Variants in RUNX2 observed in about 807,000 individuals in gnomAD.
The protein encoded by RUNX2 is RUNX family transcription factor 2.
Under a neutral mutation model 51.7 loss-of-function variants are expected in RUNX2, and 10 were observed. That is an observed-to-expected ratio of 0.19 (90% CI 0.12 to 0.33). RUNX2 has a LOEUF of 0.33. Ranked by LOEUF, RUNX2 falls within the 10% of genes least tolerant of loss-of-function variation. RUNX2 has a pLI of 1.00. For missense variants in RUNX2, 562 were observed against 691.3 expected (o/e 0.81, Z 2.10); for synonymous variants, 276 against 273.6 (o/e 1.01, Z -0.09).
chr6:45,383,729 T>C (rs980963279), intron 2 of RUNX2, among the ~76,000 whole-genome samples: 16 of 152,236 alleles, frequency 1.1e-4, no homozygotes, highest in African/African-American at 3.4e-4. Flanking sequence ...TGAAACTGAA[T>C]CTATTTCAGT....
intron 5 of RUNX2, among the ~76,000 whole-genome samples, chr6:45,470,130 G>T (rs963782767): frequency 6.6e-6 from 1 of 152,028 alleles, no homozygotes; most frequent in Non-Finnish European, 1.5e-5. Flanking sequence ...ATAATTAGTC[G>T]AACCATAGGT....
intron 5 of RUNX2, among the ~76,000 whole-genome samples, chr6:45,461,084 G>A (rs938525619): frequency 5.3e-5 from 8 of 152,218 alleles, no homozygotes; most frequent in Non-Finnish European, 1.0e-4. Context: ...ACCAGGGAAT[G>A]TGAAGAAGTA....
chr6:45,527,552 T>C (rs988685383), intron 7 of RUNX2, among the ~76,000 whole-genome samples: 3 of 152,146 alleles, frequency 2.0e-5, no homozygotes, highest in African/African-American at 7.2e-5. Context: ...TTTCTCCCAA[T>C]TGTTAGTTTA....
chr6:45,349,979 G>C (rs1447229242), intron 2 of RUNX2, among the ~76,000 whole-genome samples: 1 of 152,074 alleles, frequency 6.6e-6, no homozygotes, highest in Non-Finnish European at 1.5e-5. Context: ...GGTTTTATTA[G>C]TCACAGGAAA....
intron 2 of RUNX2, among the ~76,000 whole-genome samples, chr6:45,406,740 A>C (rs1455290869): frequency 6.6e-6 from 1 of 152,224 alleles, no homozygotes; most frequent in East Asian, 1.9e-4. Context: ...TAAGAATTTG[A>C]CCAATTTTTA....
Position 45,549,502 on chromosome 6 carries a change from C to G in RUNX2, c.*2197C>G, listed in dbSNP as rs1342553432. On this transcript the variant is annotated 3_prime_UTR_variant, in exon 9 of 9. Transcript: ENST00000647337. ...ATGCTTAGATAAATAAGCCACTTTTCTATTACTTAAGTAAGAAGGAAGTAG... is the reference window on the plus strand; with the variant it reads ...ATGCTTAGATAAATAAGCCACTTTTGTATTACTTAAGTAAGAAGGAAGTAG... The G allele has an allele frequency of 2.5e-6, 1 of 397,454 alleles. No individual in the cohort carries two copies. The highest frequency in any genetic ancestry group is 4.4e-6 in the Non-Finnish European group (1 of 225,920). 24.6% of individuals were successfully genotyped at this position (397,454 alleles called of 1,614,324 possible). A position where few individuals can be genotyped will look rare whatever the true frequency, so the allele number is the denominator to read the frequency against.
chr6:45,549,028 A>G lies in RUNX2; in HGVS notation c.*1723A>G, dbSNP rs1431685908. The G allele has an allele frequency of 2.5e-6, 1 of 397,934 alleles. No homozygotes were observed. The highest frequency in any genetic ancestry group is 4.4e-6 in the Non-Finnish European group (1 of 226,052). The allele number at this position is 397,934 out of a possible 1,614,324, so 24.7% of individuals were successfully genotyped here. Reference sequence around the variant, plus strand: ...TTTGTATTTCTTACAATGGAGGGCCAAGGAGGGCAAGGGGCTGTGGAGTTT... The same window carrying G: ...TTTGTATTTCTTACAATGGAGGGCCGAGGAGGGCAAGGGGCTGTGGAGTTT... On this transcript the variant is annotated 3_prime_UTR_variant, in exon 9 of 9. Transcript: ENST00000647337.
At chr6:45,536,101 A>G (rs575690454) in intron 7 of RUNX2, among the ~76,000 whole-genome samples, 4 of 151,852 alleles carry the variant, frequency 2.6e-5, no homozygotes, top group Non-Finnish European at 5.9e-5. Flanking sequence ...ATAAAGATTG[A>G]GGAAGCCAGA....
chr6:45,423,039 C>T, intron 3 of RUNX2, 82 bp downstream of exon 3: 1 of 1,536,248 alleles, frequency 6.5e-7, no homozygotes, highest in Non-Finnish European at 8.8e-7. Flanking sequence ...CGGGGCTGGG[C>T]CCCGGACGTC....
Position 45,458,331 on chromosome 6 carries a change from G to A in RUNX2, c.685+20280G>A, listed in dbSNP as rs187971068. 3.9e-4 allele frequency among the ~76,000 whole-genome samples: 60 copies of A among 152,118 alleles called. 1 individual carries two copies. The East Asian group carries it at 0.011, about 29-fold the overall frequency. ...CATGAGCCACCGTGCCCGGCTTGGGGTAGGAAATTAAAAACAAAAACAGTG... is the reference window on the plus strand; with the variant it reads ...CATGAGCCACCGTGCCCGGCTTGGGATAGGAAATTAAAAACAAAAACAGTG... On this transcript the variant is annotated intron_variant, in intron 5 of 8. Transcript: ENST00000647337.
At chr6:45,349,478 C>A in intron 2 of RUNX2, among the ~76,000 whole-genome samples, 1 of 152,170 alleles carries the variant, frequency 6.6e-6, no homozygotes, top group East Asian at 1.9e-4. Context: ...ACATCAACAT[C>A]ACCTGGGAAT....
chr6:45,332,359 TAAAAAA>T, intron 2 of RUNX2, among the ~76,000 whole-genome samples: 1 of 151,574 alleles, frequency 6.6e-6, no homozygotes, highest in South Asian at 2.1e-4. Flanking sequence ...TATATATATT[TAAAAAA>T]AAGGAAAAGG....
chr6:45,465,622 T>A (rs1582140361), intron 5 of RUNX2, among the ~76,000 whole-genome samples: 1 of 151,848 alleles, frequency 6.6e-6, no homozygotes, highest in South Asian at 2.1e-4. Context: ...AATTTTTCTG[T>A]TTTTATTTTT....
chr6:45,348,900 T>C (rs1274050533), intron 2 of RUNX2, among the ~76,000 whole-genome samples: 1 of 152,152 alleles, frequency 6.6e-6, no homozygotes, highest in African/African-American at 2.4e-5. Context: ...TCTCATAGTA[T>C]CCTGTACATT....
At chr6:45,414,250 G>A (rs917677213) in intron 2 of RUNX2, among the ~76,000 whole-genome samples, 1 of 152,076 alleles carries the variant, frequency 6.6e-6, no homozygotes, top group Non-Finnish European at 1.5e-5. Context: ...TTGTAAATGT[G>A]CACAAAAGTG....
At chr6:45,479,766 G>T (rs538368829) in intron 5 of RUNX2, among the ~76,000 whole-genome samples, 5 of 152,110 alleles carry the variant, frequency 3.3e-5, no homozygotes, top group Non-Finnish European at 5.9e-5. Flanking sequence ...GTAATCGCTC[G>T]AAGGATGTTT....
chr6:45,408,530 C>T (rs1797885036), intron 2 of RUNX2, among the ~76,000 whole-genome samples: 1 of 152,018 alleles, frequency 6.6e-6, no homozygotes, highest in Non-Finnish European at 1.5e-5. Flanking sequence ...CTAAAAGTCA[C>T]TGAATCAAAT....
chr6:45,519,667 C>G (rs975091863), intron 7 of RUNX2, among the ~76,000 whole-genome samples: 2 of 151,898 alleles, frequency 1.3e-5, no homozygotes, highest in African/African-American at 2.4e-5. Context: ...CTTTTGCAGA[C>G]TGGCTTCTTT....
intron 2 of RUNX2, among the ~76,000 whole-genome samples, chr6:45,399,136 T>C (rs774818197): frequency 2.0e-5 from 3 of 152,010 alleles, no homozygotes; most frequent in Non-Finnish European, 4.4e-5. Flanking sequence ...TTCCCTCCCA[T>C]TTTTCTACTC....
Sources: allele counts gnomAD v4.1 joint callset (sites outside exome capture counted in the v4.1 genomes callset), GRCh38; gene constraint gnomAD v4.1.1; transcripts MANE v1.5; gene names NCBI Gene and HGNC (gene_info 2026-07-23, HGNC 2026-07-21).